Variants in ZNF33A observed in about 807,000 individuals in gnomAD.
The protein encoded by ZNF33A is brain my041 protein.
A neutral mutation model predicts 15.9 loss-of-function variants in ZNF33A; 9 were observed. The ratio of observed to expected loss-of-function variants is 0.57; its 90% CI spans 0.34 to 0.99. The LOEUF (loss-of-function observed/expected upper bound fraction) is 0.99. Ranked by LOEUF, ZNF33A falls within the 50% of genes least tolerant of loss-of-function variation. The pLI is 0.02. For synonymous variants in ZNF33A, 294 were observed against 324.2 expected (o/e 0.91, Z 1.00); for missense variants, 843 against 941.6 (o/e 0.90, Z 1.37).
At position 38,012,425 on chromosome 10, in the gene ZNF33A, G is replaced by T. The variant is rs368908931; in HGVS notation, c.9+75G>T. 4,829 of 527,662 alleles carry T rather than the reference G, an allele frequency of 9.2e-3. 2 individuals are homozygous for T. The highest frequency in any genetic ancestry group is 0.028 in the Middle Eastern group (44 of 1,582). 32.7% of individuals were successfully genotyped at this position (527,662 alleles called of 1,614,324 possible). A position where few individuals can be genotyped will look rare whatever the true frequency, so the allele number is the denominator to read the frequency against. On this transcript the variant is annotated intron_variant, in intron 2 of 4. Coordinates refer to ENST00000432900, the MANE Select transcript of ZNF33A (RefSeq NM_006954.2). ...ATTTGTAAGAGTCGATATGGTGTTT[G>T]TTTTTTTTTTTTTTTTTTTTTTGTG...
In ZNF33A at chr10:38,010,745, C is replaced by G; in HGVS notation, c.-83C>G. ...GGTCCCGGGATTTCAAGGGTCTACG[C>G]GCTTTTCTATGGCGAATGCAACCCG... On this transcript the variant is annotated 5_prime_UTR_variant, in exon 1 of 5. Coordinates refer to ENST00000432900, the MANE Select transcript of ZNF33A (RefSeq NM_006954.2). 1.3e-6 allele frequency: 2 copies of G among 1,598,450 alleles called. No homozygotes were observed. Among genetic ancestry groups the G allele is most frequent in the African/African-American group, 1.3e-5 (1 of 75,044 alleles).
chr10:38,024,363 A>G lies in ZNF33A; in HGVS notation c.250+6977A>G, dbSNP rs540365555. Reference sequence around the variant, plus strand: ...TTGGTATAAATTGAACAAAATATGTATAGGACTTTTGTGCTGAAAATTACA... The same window carrying G: ...TTGGTATAAATTGAACAAAATATGTGTAGGACTTTTGTGCTGAAAATTACA... On this transcript the variant is annotated intron_variant, in intron 4 of 4. Transcript: ENST00000432900. Among the ~76,000 whole-genome samples, 10 of 152,292 alleles carry G rather than the reference A, an allele frequency of 6.6e-5. No homozygotes were observed. In the South Asian group the frequency reaches 1.2e-3, roughly 19 times the overall value.
Position 38,057,964 on chromosome 10 carries a change from A to C in ZNF33A, c.*1404A>C. The C allele has an allele frequency of 7.1e-6, 7 of 985,432 alleles. No individual in the cohort carries two copies. The highest frequency in any genetic ancestry group is 9.4e-5 in the South Asian group (2 of 21,286). The allele number at this position is 985,432 out of a possible 1,614,324, so 61.0% of individuals were successfully genotyped here. On this transcript the variant is annotated 3_prime_UTR_variant, in exon 5 of 5. Transcript: ENST00000432900. The stretch of plus-strand genomic sequence containing the variant: ...TTGAGGCTGGAGCAGAACCAGAATC[A>C]AGCTGGTGTGGGGCTTTTATTGATA...
intron 4 of ZNF33A, among the ~76,000 whole-genome samples, chr10:38,036,926 G>A (rs1270973449): frequency 6.6e-6 from 1 of 152,204 alleles, no homozygotes; most frequent in Non-Finnish European, 1.5e-5. Flanking sequence ...TTATGTAGTT[G>A]TGTTATTTGT....
intron 2 of ZNF33A, among the ~76,000 whole-genome samples, chr10:38,015,465 C>T (rs577278548): frequency 6.6e-6 from 1 of 152,118 alleles, no homozygotes; most frequent in East Asian, 1.9e-4. Flanking sequence ...ATTACAGACA[C>T]CCGCCAACAC....
chr10:38,013,611 A>G (rs2064302361), intron 2 of ZNF33A, among the ~76,000 whole-genome samples: 1 of 150,770 alleles, frequency 6.6e-6, no homozygotes, highest in Admixed American at 6.6e-5. Context: ...GGCACGCACC[A>G]CCATACCCAG....
At chr10:38,066,275 A>AT (rs1554916981), downstream of ZNF33A, among the ~76,000 whole-genome samples, 5 of 151,454 alleles carry the variant, frequency 3.3e-5, no homozygotes, top group Non-Finnish European at 7.4e-5. Flanking sequence ...GGGTTTTTTT[A>AT]TTATTTATTT....
chr10:38,043,945 A>G (rs2065830318), intron 4 of ZNF33A: 1 of 149,300 alleles, frequency 6.7e-6, no homozygotes, highest in African/African-American at 2.5e-5. Flanking sequence ...GTATTGTTCC[A>G]GTTTTAGTAT....
intron 4 of ZNF33A, among the ~76,000 whole-genome samples, chr10:38,052,214 T>C (rs1564872494): frequency 6.6e-6 from 1 of 152,064 alleles, no homozygotes; most frequent in Non-Finnish European, 1.5e-5. Context: ...GGAAATCTAA[T>C]GGAGTCACCC....
intron 4 of ZNF33A, among the ~76,000 whole-genome samples, chr10:38,024,027 G>A (rs2064867461): frequency 6.6e-6 from 1 of 151,866 alleles, no homozygotes; most frequent in Admixed American, 6.6e-5. Context: ...GTGTGGTGGT[G>A]CATGCCTGTA....
chr10:38,042,938 T>C (rs1472982740), intron 4 of ZNF33A, among the ~76,000 whole-genome samples: 2 of 152,210 alleles, frequency 1.3e-5, no homozygotes, highest in Admixed American at 1.3e-4. Context: ...TATTTGCTTA[T>C]TAAATTGGGT....
chr10:38,024,859 C>T (rs1272143476), intron 4 of ZNF33A, among the ~76,000 whole-genome samples: 1 of 152,190 alleles, frequency 6.6e-6, no homozygotes, highest in African/African-American at 2.4e-5. Context: ...TGAATCAACC[C>T]TATGTCTAGC....
chr10:38,015,786 TTTG>T (rs1356830685), intron 2 of ZNF33A, among the ~76,000 whole-genome samples: 1 of 152,194 alleles, frequency 6.6e-6, no homozygotes, highest in African/African-American at 2.4e-5. Flanking sequence ...GTGACCACAT[TTTG>T]TTGTTCTTGC....
intron 2 of ZNF33A, among the ~76,000 whole-genome samples, chr10:38,015,056 G>C (rs1303943605): frequency 6.6e-6 from 1 of 152,008 alleles, no homozygotes; most frequent in Non-Finnish European, 1.5e-5. Context: ...TGTATTTTTA[G>C]TAGAGACACG....
At chr10:38,039,398 G>GT (rs59435586) in intron 4 of ZNF33A, 19,554 of 339,606 alleles carry the variant, frequency 0.058, 1 homozygote, top group South Asian at 0.099. Flanking sequence ...AATTTTTTGT[G>GT]TTTTTTTTTT....
chr10:38,055,486 G>A lies in ZNF33A; in HGVS notation c.1362G>A (p.Ser454=), dbSNP rs117134972. Residue 454 remains serine, a synonymous_variant, in exon 5 of 5, where the codon TCG becomes TCA. Transcript: ENST00000432900. Reference sequence around the variant, plus strand: ...GTGGAAAATCCTTCCGTGTGACTTCGCACCTTAAAGTACACCAGAGAACTC... The same window carrying A: ...GTGGAAAATCCTTCCGTGTGACTTCACACCTTAAAGTACACCAGAGAACTC... ...YECGKSFRVT[S]HLKVHQRTHT... The A allele has an allele frequency of 8.6e-3, 13,847 of 1,612,782 alleles. 229 individuals carry two copies. The highest frequency in any genetic ancestry group is 0.053 in the East Asian group (2,350 of 44,720).
chr10:38,065,273 T>C (rs979455097), downstream of ZNF33A, among the ~76,000 whole-genome samples: 2 of 152,122 alleles, frequency 1.3e-5, no homozygotes, highest in Admixed American at 1.3e-4. Flanking sequence ...GGTTTCACCA[T>C]GTTGGCCAGG....
chr10:38,020,392 A>C (rs1406852206), intron 4 of ZNF33A, among the ~76,000 whole-genome samples: 1 of 152,150 alleles, frequency 6.6e-6, no homozygotes. Flanking sequence ...CAAAATGTAC[A>C]ATTAAATTTG....
chr10:38,021,241 A>G (rs1339051037), intron 4 of ZNF33A, among the ~76,000 whole-genome samples: 2 of 152,256 alleles, frequency 1.3e-5, no homozygotes, highest in Non-Finnish European at 1.5e-5. Context: ...ATTAGACAAA[A>G]GGAACATTAT....
Sources: gnomAD v4.1 joint callset for allele counts (sites outside exome capture counted in the v4.1 genomes callset) on GRCh38, gnomAD v4.1.1 for gene constraint, MANE v1.5 for transcripts, NCBI Gene and HGNC (gene_info 2026-07-23, HGNC 2026-07-21) for gene names.